Variants in ZBTB10 observed in about 807,000 individuals in gnomAD.
The protein encoded by ZBTB10 is zinc finger and BTB domain-containing protein 10.
In ZBTB10, 32 loss-of-function variants were observed where a neutral mutation model predicts 76.4. That is an observed-to-expected ratio of 0.42 (90% CI 0.32 to 0.56). The LOEUF is 0.56. Ranked by LOEUF, ZBTB10 falls within the 20% of genes least tolerant of loss-of-function variation. The probability of loss-of-function intolerance (pLI) is 0.14; values close to 1 mark genes in which losing one functional copy is unlikely to be tolerated. For missense variants in ZBTB10, 1,057 were observed against 1,098.5 expected (o/e 0.96, Z 0.53); for synonymous variants, 523 against 432.9 (o/e 1.21, Z -2.58).
At position 80,500,096 on chromosome 8, in the gene ZBTB10, G is replaced by C. The variant is rs532922579; in HGVS notation, c.1575G>C (p.Glu525Asp). 1.9e-6 allele frequency: 3 copies of C among 1,613,906 alleles called. No homozygotes were observed. The South Asian group carries it at 3.3e-5, about 18-fold the overall frequency. ...KIENDGCNVD[E>D]GQIENYQMND... The stretch of plus-strand genomic sequence containing the variant: ...AAAATGATGGTTGTAATGTCGACGA[G>C]GGCCAAATAGAAAACTACCAAATGA... Residue 525 changes from glutamate to aspartate, a missense_variant, in exon 2 of 6, where the codon GAG becomes GAC. This residue lies in a region of ZBTB10 where 306 missense variants were observed against 297.5 expected (regional missense o/e 1.03). Transcript: ENST00000455036.
chr8:80,517,365 A>G (rs1214699571), intron 3 of ZBTB10, among the ~76,000 whole-genome samples: 1 of 152,178 alleles, frequency 6.6e-6, no homozygotes, highest in Non-Finnish European at 1.5e-5. Context: ...CCTATTGCCA[A>G]AAGGTTCCTG....
chr8:80,486,022 C>G, upstream of ZBTB10: 3 of 1,036,108 alleles, frequency 2.9e-6, no homozygotes, highest in South Asian at 5.3e-5. Context: ...GTCCCCAACC[C>G]CTCGGCCGAC....
chr8:80,485,971 C>T (rs1281528007), upstream of ZBTB10: 7 of 1,338,136 alleles, frequency 5.2e-6, no homozygotes, highest in African/African-American at 4.5e-5. Flanking sequence ...CGCACACGCC[C>T]GCCCCCTCCC....
Position 80,486,865 on chromosome 8 carries a change from G to A in ZBTB10, c.55G>A (p.Val19Ile). 6.6e-7 allele frequency: 1 copy of A among 1,510,338 alleles called. No homozygotes were observed. Among genetic ancestry groups the A allele is most frequent in the South Asian group, 1.2e-5 (1 of 80,580 alleles). 93.6% of individuals were successfully genotyped at this position (1,510,338 alleles called of 1,614,324 possible). ...GCTGGCGTTCCGAGGAGGCGGGTTG[G>A]TCACCGCTAGCGGCGGCGGCTCCAC... is the stretch of plus-strand genomic sequence containing the variant. ...RTLAFRGGGL[V>I]TASGGGSTNN... The change falls in exon 1 of 6, where the codon GTC becomes ATC. Residue 19 changes from valine to isoleucine, a missense_variant. Coordinates refer to ENST00000455036, the MANE Select transcript of ZBTB10 (RefSeq NM_001105539.3).
At chr8:80,496,162 A>T (rs1433487376) in intron 1 of ZBTB10, among the ~76,000 whole-genome samples, 1 of 152,208 alleles carries the variant, frequency 6.6e-6, no homozygotes, top group Non-Finnish European at 1.5e-5. Flanking sequence ...ACCTGGAGTT[A>T]TTAGGGACCT....
At chr8:80,493,205 G>GCACACACACA (rs1475902734) in intron 1 of ZBTB10, among the ~76,000 whole-genome samples, 40 of 98,434 alleles carry the variant, frequency 4.1e-4, no homozygotes, top group Admixed American at 2.3e-3. Flanking sequence ...GCGCGCGCGC[G>GCACACACACA]CGCACACACA....
chr8:80,500,034 C>A lies in ZBTB10; in HGVS notation c.1513C>A (p.Arg505=). The change falls in exon 2 of 6, where the codon CGG becomes AGG. Residue 505 remains arginine (R), a synonymous_variant. Transcript: ENST00000455036. ...AAAAATTGCCAGTTTTTGGGCAACA[C>A]GGAATCTTACCAATTTGGCAAGTAA... ...DQKIASFWAT[R]NLTNLASNVK... is the part of the protein sequence containing the mutation. 6.2e-7 allele frequency: 1 copy of A among 1,613,892 alleles called. No homozygotes were observed. The highest frequency in any genetic ancestry group is 8.5e-7 in the Non-Finnish European group (1 of 1,179,860).
At position 80,487,083 on chromosome 8, in the gene ZBTB10, C is replaced by G. The variant is rs559378427; in HGVS notation, c.273C>G (p.Ala91=). 471 of 1,518,976 alleles carry G rather than the reference C, an allele frequency of 3.1e-4. No individual in the cohort carries two copies. The highest frequency in any genetic ancestry group is 3.9e-4 in the Non-Finnish European group (447 of 1,139,680). The allele number at this position is 1,518,976 out of a possible 1,614,324, so 94.1% of individuals were successfully genotyped here. Residue 91 remains alanine (A), a synonymous_variant, in exon 1 of 6, where the codon GCC becomes GCG. Transcript: ENST00000455036. ...CGGCCGCCGGCGCCGCCGAGGAAGC[C>G]AAGGAGTTGCTGCTCCCCCAAGACG... ...AGPAAGAAEE[A]KELLLPQDAG...
Position 80,525,920 on chromosome 8 carries a change from G to A in ZBTB10, c.*6392G>A, listed in dbSNP as rs750098989. 3 of 152,276 alleles carry A rather than the reference G, an allele frequency of 2.0e-5. No individual in the cohort carries two copies. In the East Asian group the frequency reaches 5.8e-4, roughly 29 times the overall value. 9.4% of individuals were successfully genotyped at this position (152,276 alleles called of 1,614,324 possible). A position where few individuals can be genotyped will look rare whatever the true frequency, so the allele number is the denominator to read the frequency against. On this transcript the variant is annotated 3_prime_UTR_variant, in exon 6 of 6. Coordinates refer to ENST00000455036, the MANE Select transcript of ZBTB10 (RefSeq NM_001105539.3). ...TTTTGTGTTGCCAAGCATATGATACGTGGTGTCACACTGAGCCTTTGGGAT... is the reference window on the plus strand; with the variant it reads ...TTTTGTGTTGCCAAGCATATGATACATGGTGTCACACTGAGCCTTTGGGAT...
rs1194006374 is a variant in ZBTB10 at position 80,523,973 on chromosome 8, C to G, written c.*4445C>G. The G allele has an allele frequency of 7.2e-5, 11 of 152,014 alleles. No individual in the cohort carries two copies. The highest frequency in any genetic ancestry group is 1.2e-4 in the Non-Finnish European group (8 of 67,920). 9.4% of individuals were successfully genotyped at this position (152,014 alleles called of 1,614,324 possible). ...TGTCCTAAGACATGTATGTAAACTT[C>G]CGGAACTGTTTTGTCTGTGTATTTA... On this transcript the variant is annotated 3_prime_UTR_variant, in exon 6 of 6. Transcript: ENST00000455036.
At chr8:80,487,863 C>G (rs1563454977) in intron 1 of ZBTB10, 81 bp downstream of exon 1, 6 of 1,440,002 alleles carry the variant, frequency 4.2e-6, no homozygotes, top group Non-Finnish European at 5.5e-6. Context: ...CACCCACCCC[C>G]GAAAAAAAAC....
rs910591696 is a variant in ZBTB10 at position 80,524,899 on chromosome 8, A to G, written c.*5371A>G. ...ACTTAATCATTTTGACAAAGGCAGT[A>G]TTGACCAGACATTTCTATTTCAGAG... On this transcript the variant is annotated 3_prime_UTR_variant, in exon 6 of 6. Coordinates refer to ENST00000455036, the MANE Select transcript of ZBTB10 (RefSeq NM_001105539.3). The G allele has an allele frequency of 6.6e-6, 1 of 152,152 alleles. No individual in the cohort carries two copies. The highest frequency in any genetic ancestry group is 1.5e-5 in the Non-Finnish European group (1 of 67,992). 9.4% of individuals were successfully genotyped at this position (152,152 alleles called of 1,614,324 possible).
intron 1 of ZBTB10, among the ~76,000 whole-genome samples, chr8:80,497,217 G>C (rs76849408): frequency 6.7e-6 from 1 of 148,522 alleles, no homozygotes; most frequent in Non-Finnish European, 1.5e-5. Flanking sequence ...CAACATACTG[G>C]TTTTTTTTTT....
intron 1 of ZBTB10, among the ~76,000 whole-genome samples, chr8:80,493,638 G>A (rs1426012617): frequency 6.7e-6 from 1 of 148,572 alleles, no homozygotes; most frequent in Non-Finnish European, 1.5e-5. Flanking sequence ...CCAACATGGA[G>A]AAACCCCGTC....
chr8:80,497,847 G>C (rs550084230), intron 1 of ZBTB10, among the ~76,000 whole-genome samples: 1 of 151,948 alleles, frequency 6.6e-6, no homozygotes, highest in Non-Finnish European at 1.5e-5. Context: ...ATTTTTAGTA[G>C]AGACGGGGTT....
At chr8:80,516,002 T>A (rs182179860) in intron 3 of ZBTB10, among the ~76,000 whole-genome samples, 96 of 152,364 alleles carry the variant, frequency 6.3e-4, no homozygotes, top group African/African-American at 2.1e-3. Flanking sequence ...AATTACCATT[T>A]TGTATTCCAG....
chr8:80,518,545 A>G lies in ZBTB10; in HGVS notation c.2103A>G (p.Pro701=), dbSNP rs764149756. 4.5e-6 allele frequency: 7 copies of G among 1,552,802 alleles called. No individual in the cohort carries two copies. The highest frequency in any genetic ancestry group is 4.8e-5 in the East Asian group (2 of 41,288). ...ASNDFKYGLL[P]ESWPKQETWE... ...ATGATTTCAAGTATGGATTATTGCC[A>G]GAATCTTGGCCAAAACAAGAAACCT... The change falls in exon 4 of 6, where the codon CCA becomes CCG. Residue 701 remains proline (P), a synonymous_variant. Coordinates refer to ENST00000455036, the MANE Select transcript of ZBTB10 (RefSeq NM_001105539.3).
chr8:80,485,799 C>T (rs1045397446), upstream of ZBTB10: 16 of 1,535,326 alleles, frequency 1.0e-5, no homozygotes, highest in African/African-American at 1.2e-4. Flanking sequence ...AAGGCTGGAG[C>T]GCAGCTCCCA....
intron 1 of ZBTB10, among the ~76,000 whole-genome samples, chr8:80,495,183 T>G (rs939209430): frequency 2.6e-5 from 4 of 151,528 alleles, no homozygotes; most frequent in Non-Finnish European, 5.9e-5. Flanking sequence ...TTGACTGGGC[T>G]GGTCTTGAAC....
Sources: gnomAD v4.1 joint callset for allele counts (sites outside exome capture counted in the v4.1 genomes callset) on GRCh38, gnomAD v4.1.1 for gene constraint, gnomAD v4.1.1 regional missense constraint, MANE v1.5 for transcripts, NCBI Gene and HGNC (gene_info 2026-07-23, HGNC 2026-07-21) for gene names.